TSPEAR: variants seen among roughly 807,000 people sequenced by gnomAD.
TSPEAR encodes the protein thrombospondin type laminin G domain and EAR repeats.
In TSPEAR, 69 loss-of-function variants were observed where a neutral mutation model predicts 71.6. The observed-to-expected ratio is 0.96, with a 90% confidence interval of 0.79 to 1.18. The LOEUF (loss-of-function observed/expected upper bound fraction) is 1.18. TSPEAR is among the 50% of genes most tolerant of loss of function. The pLI, the probability that TSPEAR is intolerant of heterozygous loss-of-function variation, is 0.00. For missense variants in TSPEAR, 971 were observed against 894.9 expected (o/e 1.09, Z -1.09); for synonymous variants, 402 against 387.2 (o/e 1.04, Z -0.45).
chr21:44,590,065 G>C (rs1350497298), intron 1 of TSPEAR, among the ~76,000 whole-genome samples: 1 of 151,404 alleles, frequency 6.6e-6, no homozygotes, highest in Non-Finnish European at 1.5e-5. Context: ...TGGCTGTCCT[G>C]GGTCTGCCTG....
chr21:44,626,446 G>A (rs587763782), intron 1 of TSPEAR, among the ~76,000 whole-genome samples: 2 of 152,296 alleles, frequency 1.3e-5, no homozygotes, highest in South Asian at 2.1e-4. Flanking sequence ...GAGGGCTGGC[G>A]GCTGCCTGCT....
chr21:44,511,639 C>A (rs181185365), intron 9 of TSPEAR, among the ~76,000 whole-genome samples: 1 of 152,258 alleles, frequency 6.6e-6, no homozygotes, highest in East Asian at 1.9e-4. Context: ...CACAGCTCTC[C>A]CCACATTGCT....
At chr21:44,669,286 G>A (rs782074617) in intron 1 of TSPEAR, among the ~76,000 whole-genome samples, 1 of 152,128 alleles carries the variant, frequency 6.6e-6, no homozygotes, top group Non-Finnish European at 1.5e-5. Flanking sequence ...AGCTGGGTGT[G>A]GTGGCACGTG....
chr21:44,551,576 G>T (rs1287979045), intron 2 of TSPEAR: 8 of 1,410,370 alleles, frequency 5.7e-6, no homozygotes, highest in African/African-American at 1.4e-5. Flanking sequence ...TATGCCCAGG[G>T]CCTGTGTTTT....
At position 44,529,888 on chromosome 21, in the gene TSPEAR, T is replaced by A; in HGVS notation, c.700A>T (p.Asn234Tyr). The A allele has an allele frequency of 6.2e-7, 1 of 1,613,194 alleles. No homozygotes were observed. The highest frequency in any genetic ancestry group is 2.2e-5 in the East Asian group (1 of 44,896). ...DATPRLCPSR[N>Y]APLAVLSIPR... is the part of the protein sequence containing the mutation. ...ATGGACAGCACCGCCAGCGGGGCGT[T>A]CCTGCTGGGACACAGCCTTGGGGTG... is the stretch of plus-strand genomic sequence containing the variant. Residue 234 changes from asparagine (N) to tyrosine (Y), a missense_variant, in exon 5 of 12, where the codon AAC becomes TAC. Asn to Tyr is a moderately radical substitution (Grantham distance 143). Coordinates refer to ENST00000323084, the MANE Select transcript of TSPEAR (RefSeq NM_144991.3).
Position 44,595,861 on chromosome 21 carries a change from T to A in TSPEAR, c.83-27856A>T, listed in dbSNP as rs78975424. ...CACTATGTTTCTGTAAACATGGAGC[T>A]CCTTTCCTGTGAATACATAATGATC... On this transcript the variant is annotated intron_variant, in intron 1 of 11. Coordinates refer to ENST00000323084, the MANE Select transcript of TSPEAR (RefSeq NM_144991.3). 4.3e-3 allele frequency among the ~76,000 whole-genome samples: 649 copies of A among 152,352 alleles called. 1 individual carries two copies. Among genetic ancestry groups the A allele is most frequent in the Non-Finnish European group, 7.0e-3 (475 of 68,028 alleles).
intron 2 of TSPEAR, chr21:44,539,894 T>A (rs782541737): frequency 1.1e-5 from 17 of 1,613,950 alleles, no homozygotes; most frequent in Admixed American, 8.3e-5. Flanking sequence ...GCAAGCCGGC[T>A]GGCAGCTAGA....
chr21:44,697,167 C>A (rs782573628), intron 1 of TSPEAR: 2 of 1,601,594 alleles, frequency 1.2e-6, no homozygotes, highest in African/African-American at 1.3e-5. Flanking sequence ...CCTCTCAGCT[C>A]CCCCAGCTCA....
chr21:44,531,352 G>A lies in TSPEAR; in HGVS notation c.543-219C>T, dbSNP rs113339532. Among the ~76,000 whole-genome samples the A allele has an allele frequency of 3.4e-4, 52 of 152,318 alleles. No homozygotes were observed. The South Asian group carries it at 8.7e-3, about 26-fold the overall frequency. On this transcript the variant is annotated intron_variant, in intron 3 of 11. Transcript: ENST00000323084. The stretch of plus-strand genomic sequence containing the variant: ...TTCTCCGAAGGCTCCAGAGGAGGAC[G>A]CTTCCTCGACTCATCAGCTTCTGGT...
intron 2 of TSPEAR, among the ~76,000 whole-genome samples, chr21:44,549,767 C>A (rs2053369575): frequency 6.6e-6 from 1 of 152,276 alleles, no homozygotes; most frequent in Admixed American, 6.5e-5. Flanking sequence ...CTGTCCTGCA[C>A]TTCCTCTGCC....
chr21:44,508,909 C>T (rs1555912234), intron 10 of TSPEAR: 1 of 1,492,412 alleles, frequency 6.7e-7, no homozygotes, highest in East Asian at 2.9e-5. Flanking sequence ...CCTCCTGCCT[C>T]CACTGCTCGG....
chr21:44,667,629 C>T (rs587767916), intron 1 of TSPEAR, among the ~76,000 whole-genome samples: 1 of 152,284 alleles, frequency 6.6e-6, no homozygotes, highest in South Asian at 2.1e-4. Context: ...GTCCCATGGA[C>T]AGCCACAGCA....
chr21:44,512,100 G>A (rs183511510), intron 9 of TSPEAR, among the ~76,000 whole-genome samples: 19 of 152,348 alleles, frequency 1.2e-4, no homozygotes, highest in African/African-American at 4.3e-4. Context: ...GGAACTGCAG[G>A]ACAGACACAC....
chr21:44,536,202 G>A (rs879989018), intron 2 of TSPEAR, among the ~76,000 whole-genome samples: 3 of 152,292 alleles, frequency 2.0e-5, no homozygotes, highest in African/African-American at 4.8e-5. Context: ...CTTTCCGGGC[G>A]GTGCTGGGCT....
intron 1 of TSPEAR, among the ~76,000 whole-genome samples, chr21:44,620,925 G>A (rs1364648555): frequency 6.6e-6 from 1 of 152,154 alleles, no homozygotes; most frequent in African/African-American, 2.4e-5. Flanking sequence ...CCAATTGGTT[G>A]TTTGAAAGTG....
intron 1 of TSPEAR, among the ~76,000 whole-genome samples, chr21:44,640,647 C>T (rs1401107415): frequency 2.6e-5 from 4 of 152,296 alleles, no homozygotes; most frequent in Non-Finnish European, 5.9e-5. Context: ...ATGAATGGCG[C>T]CAGAGCAGTG....
intron 1 of TSPEAR, chr21:44,647,190 G>C (rs1451995358): frequency 1.2e-6 from 2 of 1,612,694 alleles, no homozygotes; most frequent in African/African-American, 1.3e-5. Flanking sequence ...GCCACCCCGT[G>C]TGCAGGTCCA....
At chr21:44,576,610 T>G (rs143969405) in intron 1 of TSPEAR, among the ~76,000 whole-genome samples, 1 of 152,292 alleles carries the variant, frequency 6.6e-6, no homozygotes, top group Non-Finnish European at 1.5e-5. Flanking sequence ...TAAAAATAAC[T>G]CCAGAGAAGG....
At chr21:44,676,380 CA>C in intron 1 of TSPEAR, 1 of 1,121,708 alleles carries the variant, frequency 8.9e-7, no homozygotes. Flanking sequence ...GGACAGCAGG[CA>C]TTTCTGCAGA....
Sources: gnomAD v4.1 joint callset for allele counts (sites outside exome capture counted in the v4.1 genomes callset) on GRCh38, gnomAD v4.1.1 for gene constraint, MANE v1.5 for transcripts, NCBI Gene and HGNC (gene_info 2026-07-23, HGNC 2026-07-21) for gene names.